The following TNKS variants were observed in gnomAD, a reference collection of about 807,000 sequenced individuals.
TNKS encodes tankyrase, also known as poly [ADP-ribose] polymerase tankyrase-1.
A neutral mutation model predicts 135.8 loss-of-function variants in TNKS; 72 were observed. The ratio of observed to expected loss-of-function variants is 0.53; its 90% CI spans 0.44 to 0.64. TNKS has a LOEUF of 0.64. TNKS is among the 30% of genes least tolerant of loss of function. The pLI, the probability that TNKS is intolerant of heterozygous loss-of-function variation, is 0.00. For synonymous variants in TNKS, 849 were observed against 649.3 expected (o/e 1.31, Z -4.68); for missense variants, 1,769 against 1,674.0 (o/e 1.06, Z -0.99).
At chr8:9,576,650 C>G (rs1382940199) in intron 1 of TNKS, among the ~76,000 whole-genome samples, 1 of 151,942 alleles carries the variant, frequency 6.6e-6, no homozygotes, top group Non-Finnish European at 1.5e-5. Context: ...CTATTAGAAA[C>G]CACCCCTGTG....
intron 2 of TNKS, among the ~76,000 whole-genome samples, chr8:9,604,062 C>T (rs1331856094): frequency 6.6e-6 from 1 of 152,054 alleles, no homozygotes; most frequent in Non-Finnish European, 1.5e-5. Context: ...AAAATAAGTA[C>T]TACATTTATA....
rs377699055 is a variant in TNKS, at chr8:9,752,527, A to G, written c.3071-17A>G. ...AGAGAATTCTTTCTGAGAATCTTTA[A>G]TATGTTTCTGTTTTAGTTGCTGGTC... On this transcript the variant is annotated splice_polypyrimidine_tract_variant and intron_variant, in intron 19 of 26. Transcript: ENST00000310430. The G allele has an allele frequency of 9.4e-6, 15 of 1,590,986 alleles. No individual in the cohort carries two copies. The South Asian group carries it at 1.7e-4, about 18-fold the overall frequency.
At chr8:9,713,335 T>C (rs1804428444) in intron 11 of TNKS, among the ~76,000 whole-genome samples, 1 of 152,232 alleles carries the variant, frequency 6.6e-6, no homozygotes, top group African/African-American at 2.4e-5. Context: ...TTTATAATGC[T>C]CTTGAAAAAT....
intron 20 of TNKS, among the ~76,000 whole-genome samples, chr8:9,761,036 G>A (rs929398833): frequency 7.2e-5 from 11 of 152,114 alleles, no homozygotes; most frequent in African/African-American, 2.7e-4. Context: ...TCTTAGCACT[G>A]AGAAGTTCTT....
At chr8:9,679,340 G>A (rs553334085) in intron 3 of TNKS, among the ~76,000 whole-genome samples, 15 of 152,098 alleles carry the variant, frequency 9.9e-5, no homozygotes, top group Non-Finnish European at 1.5e-4. Context: ...TTGGAGCACC[G>A]CCTCCAAGAG....
chr8:9,761,667 A>G lies in TNKS; in HGVS notation c.3274+31A>G, dbSNP rs778145643. 6 of 1,578,610 alleles carry G rather than the reference A, an allele frequency of 3.8e-6. No homozygotes were observed. The South Asian group carries it at 5.9e-5, about 15-fold the overall frequency. On this transcript the variant is annotated intron_variant, in intron 21 of 26. Coordinates refer to ENST00000310430, the MANE Select transcript of TNKS (RefSeq NM_003747.3). ...CTATTCAGAAAAAAAAAAAAATTTC[A>G]GAAATCAGTGGTACAAGGTAAGTAT...
chr8:9,556,468 CCAG>C lies in TNKS; in HGVS notation c.533_535del (p.Ala178del). On this transcript the variant is annotated inframe_deletion, in exon 1 of 27. Coordinates refer to ENST00000310430, the MANE Select transcript of TNKS (RefSeq NM_003747.3). ...GGCAGCAGGACCTGGGACAGGGGTC[CCAG>C]CAGTGAGCGGGGCCCTACGGGAACT... The C allele has an allele frequency of 6.2e-7, 1 of 1,614,152 alleles. No individual in the cohort carries two copies. Among genetic ancestry groups the C allele is most frequent in the Non-Finnish European group, 8.5e-7 (1 of 1,180,048 alleles).
Position 9,576,871 on chromosome 8 carries a change from A to G in TNKS, c.674-3288A>G, listed in dbSNP as rs1359653320. On this transcript the variant is annotated intron_variant, in intron 1 of 26. Coordinates refer to ENST00000310430, the MANE Select transcript of TNKS (RefSeq NM_003747.3). ...TCTAATCACATAGAATATGAAATGC[A>G]TAATATACAAATAATAACATGAAAT... is the stretch of plus-strand genomic sequence containing the variant. Among the ~76,000 whole-genome samples the G allele has an allele frequency of 2.6e-5, 4 of 152,140 alleles. No homozygotes were observed. In the East Asian group the frequency reaches 5.8e-4, roughly 22 times the overall value.
intron 2 of TNKS, among the ~76,000 whole-genome samples, chr8:9,605,373 G>A (rs1799175084): frequency 1.3e-5 from 2 of 152,008 alleles, no homozygotes; most frequent in East Asian, 3.9e-4. Flanking sequence ...TCTGTTGTAT[G>A]ACTGAGCTAT....
intron 13 of TNKS, among the ~76,000 whole-genome samples, chr8:9,727,743 G>A (rs190549068): frequency 8.1e-4 from 123 of 152,218 alleles, no homozygotes; most frequent in African/African-American, 2.9e-3. Context: ...TGAAAGTGAC[G>A]GTAAACACGT....
intron 3 of TNKS, among the ~76,000 whole-genome samples, chr8:9,648,855 C>T (rs188051168): frequency 5.9e-5 from 9 of 151,472 alleles, no homozygotes; most frequent in East Asian, 1.9e-4. Flanking sequence ...TTGGGGAAAA[C>T]ACCATTGCGA....
At chr8:9,675,569 A>C (rs560592214) in intron 3 of TNKS, among the ~76,000 whole-genome samples, 1 of 152,342 alleles carries the variant, frequency 6.6e-6, no homozygotes, top group African/African-American at 2.4e-5. Context: ...TTTGCTTGCA[A>C]GCTCATCTGT....
chr8:9,575,962 G>A (rs1797929307), intron 1 of TNKS, among the ~76,000 whole-genome samples: 1 of 152,120 alleles, frequency 6.6e-6, no homozygotes, highest in Admixed American at 6.5e-5. Context: ...TAATTCTGTT[G>A]AATTTTCTAA....
At chr8:9,577,693 C>T (rs1440672956) in intron 1 of TNKS, among the ~76,000 whole-genome samples, 1 of 152,212 alleles carries the variant, frequency 6.6e-6, no homozygotes, top group Non-Finnish European at 1.5e-5. Flanking sequence ...CATAATTTGA[C>T]ATGAGATTTG....
At chr8:9,559,015 C>T (rs1585164721) in intron 1 of TNKS, among the ~76,000 whole-genome samples, 1 of 152,076 alleles carries the variant, frequency 6.6e-6, no homozygotes, top group African/African-American at 2.4e-5. Context: ...TTGGTACAAT[C>T]CCTTGGATGG....
intron 1 of TNKS, among the ~76,000 whole-genome samples, chr8:9,576,462 C>G (rs999019992): frequency 1.3e-5 from 2 of 151,316 alleles, no homozygotes; most frequent in Non-Finnish European, 3.0e-5. Context: ...GCCACCACCC[C>G]CCTCTTTTTT....
At chr8:9,585,647 A>C (rs1798348520) in intron 2 of TNKS, among the ~76,000 whole-genome samples, 1 of 152,208 alleles carries the variant, frequency 6.6e-6, no homozygotes, top group African/African-American at 2.4e-5. Flanking sequence ...TTCCTTGATA[A>C]AGAACAGTTC....
intron 3 of TNKS, among the ~76,000 whole-genome samples, chr8:9,656,068 A>C (rs1206719784): frequency 6.6e-6 from 1 of 152,226 alleles, no homozygotes; most frequent in Non-Finnish European, 1.5e-5. Flanking sequence ...GGAGCTGAAA[A>C]CCACGGCACG....
At chr8:9,753,110 A>G (rs978371472) in intron 20 of TNKS, among the ~76,000 whole-genome samples, 1 of 152,190 alleles carries the variant, frequency 6.6e-6, no homozygotes, top group African/African-American at 2.4e-5. Flanking sequence ...AAATTGTCTA[A>G]CAAATGAGTC....
Sources: gnomAD v4.1 joint callset for allele counts (sites outside exome capture counted in the v4.1 genomes callset) on GRCh38, gnomAD v4.1.1 for gene constraint, MANE v1.5 for transcripts, NCBI Gene and HGNC (gene_info 2026-07-23, HGNC 2026-07-21) for gene names.